CASP8: variants seen among roughly 807,000 people sequenced by gnomAD.
CASP8 encodes caspase 8, also known as caspase-8.
A neutral mutation model predicts 46.3 loss-of-function variants in CASP8; 24 were observed. The ratio of observed to expected loss-of-function variants is 0.52; its 90% confidence interval spans 0.38 to 0.73. CASP8 has a LOEUF of 0.73. CASP8 is among the 30% of genes least tolerant of loss of function. The pLI, the probability that CASP8 is intolerant of heterozygous loss-of-function variation, is 0.00. For missense variants in CASP8, 460 were observed against 559.0 expected, an observed-to-expected ratio of 0.82 and a Z score of 1.79; for synonymous variants, 188 against 200.4, an observed-to-expected ratio of 0.94 and a Z score of 0.52.
At chr2:201,247,325 G>A (rs1946574876) in intron 2 of CASP8, among the ~76,000 whole-genome samples, 1 of 151,728 alleles carries the variant, frequency 6.6e-6, no homozygotes, top group African/African-American at 2.4e-5. Context: ...TTAACTGCAT[G>A]TATGTGAATT....
intron 2 of CASP8, among the ~76,000 whole-genome samples, chr2:201,244,959 C>G (rs1336066136): frequency 6.6e-6 from 1 of 152,242 alleles, no homozygotes; most frequent in Non-Finnish European, 1.5e-5. Context: ...GACTGTTCCC[C>G]TGAGATGCAT....
chr2:201,279,827 C>T (rs1036240656), intron 7 of CASP8, among the ~76,000 whole-genome samples: 2 of 152,072 alleles, frequency 1.3e-5, no homozygotes, highest in Admixed American at 1.3e-4. Context: ...GTGGCAGGTG[C>T]CTGTAACCCC....
In CASP8 at chr2:201,286,577, G is replaced by C. The variant is rs768375470; in HGVS notation, c.1423G>C (p.Val475Leu). ...QPTFTLRKKLVFPSD is the reference protein window; with the variant it reads ...QPTFTLRKKLLFPSD ...TACTTTCACACTAAGAAAAAAACTT[G>C]TCTTCCCTTCTGATTGATGGTGCTA... Residue 475 changes from valine to leucine, a missense_variant, in exon 9 of 9, where the codon GTC becomes CTC. By Grantham distance (32) the Val-to-Leu change is conservative. Transcript: ENST00000673742. 3 of 1,613,940 alleles carry C rather than the reference G, an allele frequency of 1.9e-6. No individual in the cohort carries two copies. The South Asian group carries it at 3.3e-5, about 18-fold the overall frequency.
chr2:201,245,388 G>A (rs1456102926), intron 2 of CASP8, among the ~76,000 whole-genome samples: 2 of 151,874 alleles, frequency 1.3e-5, no homozygotes, highest in South Asian at 2.1e-4. Context: ...TTACAGACAC[G>A]CACCACCATG....
intron 1 of CASP8, among the ~76,000 whole-genome samples, chr2:201,265,557 T>G (rs1947750634): frequency 6.6e-6 from 1 of 152,200 alleles, no homozygotes; most frequent in South Asian, 2.1e-4. Flanking sequence ...TCTTCCAGTC[T>G]GTCCTTTGCA....
chr2:201,262,070 A>G (rs569748095), intron 1 of CASP8: 1 of 152,204 alleles, frequency 6.6e-6, no homozygotes, highest in African/African-American at 2.4e-5. Flanking sequence ...TTGTTCTCTA[A>G]AAAAGTTATG....
rs35461915 is a variant in CASP8 at position 201,272,090 on chromosome 2, C to G, written c.411+469C>G. Among the ~76,000 whole-genome samples the G allele has an allele frequency of 6.0e-5, 9 of 151,210 alleles. No individual in the cohort carries two copies. Among genetic ancestry groups the G allele is most frequent in the Non-Finnish European group, 8.9e-5 (6 of 67,734 alleles). ...GTCTCTGTATAAGTGGTGTGTGTGT[C>G]TGTGTATCTCTGTGTGTGTGTTCTC... On this transcript the variant is annotated intron_variant, in intron 3 of 8. Coordinates refer to ENST00000673742, the MANE Select transcript of CASP8 (RefSeq NM_001372051.1). The surrounding 1 kb of genome is among the most constrained non-coding windows in gnomAD (Gnocchi z 4.4).
At chr2:201,252,518 C>T (rs60525252) in intron 2 of CASP8, among the ~76,000 whole-genome samples, 14,298 of 152,212 alleles carry the variant, frequency 0.094, 897 homozygotes, top group South Asian at 0.29. Context: ...TCGTGATCCA[C>T]CAGTATGGTT....
upstream of CASP8, chr2:201,258,465 T>C (rs1484524191): frequency 5.4e-5 from 84 of 1,552,674 alleles, no homozygotes; most frequent in Non-Finnish European, 7.2e-5. Flanking sequence ...AACAGGGCTG[T>C]GGGGGTGGGG....
At chr2:201,277,001 A>T in intron 7 of CASP8, 33 bp downstream of exon 7, 1 of 1,478,660 alleles carries the variant, frequency 6.8e-7, no homozygotes, top group Non-Finnish European at 9.5e-7. Context: ...AAAGTAAAAT[A>T]TTTCTTATGC....
chr2:201,274,305 A>G (rs1456634965), intron 5 of CASP8, among the ~76,000 whole-genome samples: 1 of 152,134 alleles, frequency 6.6e-6, no homozygotes, highest in Admixed American at 6.5e-5. Flanking sequence ...CAAAAATTCA[A>G]CCTGGCCATG....
upstream of CASP8, among the ~76,000 whole-genome samples, chr2:201,257,440 C>T (rs1405965624): frequency 6.8e-6 from 1 of 146,876 alleles, no homozygotes; most frequent in Non-Finnish European, 1.5e-5. Flanking sequence ...CAAGATCGCA[C>T]CACTGTACTG....
In CASP8 at chr2:201,237,085, A is replaced by ATTTTTTTTT. The variant is rs34775964; in HGVS notation, c.-27+2988_-27+2996dup. ...CTTTTCCCCAGTATGACCCCTTTCT[A>ATTTTTTTTT]TTTTTTTTTTTTTTTTTTTTTTTGA... is the stretch of plus-strand genomic sequence containing the variant. On this transcript the variant is annotated intron_variant, in intron 2 of 6. Transcript: ENST00000264274. Among the ~76,000 whole-genome samples the ATTTTTTTTT allele has an allele frequency of 4.5e-4, 40 of 88,084 alleles. 2 individuals are homozygous for ATTTTTTTTT. The highest frequency in any genetic ancestry group is 1.7e-3 in the African/African-American group (36 of 21,568). 57.8% of individuals were successfully genotyped at this position (88,084 alleles called of 152,430 possible).
rs772761115 is a variant in CASP8 at position 201,287,687 on chromosome 2, G to C, written c.*1093G>C. On this transcript the variant is annotated 3_prime_UTR_variant, in exon 9 of 9. Coordinates refer to ENST00000673742, the MANE Select transcript of CASP8 (RefSeq NM_001372051.1). ...CTTTTTTCAAAAACATTTTTTAATA[G>C]AATAAAATATAATTTGATCTTATTG... is the stretch of plus-strand genomic sequence containing the variant. The C allele has an allele frequency of 6.6e-6, 1 of 152,190 alleles. No individual in the cohort carries two copies. Among genetic ancestry groups the C allele is most frequent in the African/African-American group, 2.4e-5 (1 of 41,310 alleles). The allele number at this position is 152,190 out of a possible 1,614,324, so 9.4% of individuals were successfully genotyped here.
chr2:201,242,649 C>G (rs1213275016), intron 2 of CASP8: 1 of 152,034 alleles, frequency 6.6e-6, no homozygotes, highest in East Asian at 1.9e-4. Context: ...GGTGTGATCT[C>G]TATTAACATC....
chr2:201,250,075 A>G (rs984324821), intron 2 of CASP8, among the ~76,000 whole-genome samples: 5 of 152,182 alleles, frequency 3.3e-5, no homozygotes, highest in African/African-American at 1.2e-4. Flanking sequence ...GTTGTGGAGG[A>G]TATGATAGAG....
intron 2 of CASP8, among the ~76,000 whole-genome samples, chr2:201,247,811 A>AT (rs1233522594): frequency 6.6e-6 from 1 of 151,796 alleles, no homozygotes; most frequent in Non-Finnish European, 1.5e-5. Context: ...CACCTGGCTA[A>AT]TTTTTTGTAT....
rs146374885 is a variant in CASP8 at position 201,285,459 on chromosome 2, AG to A, written c.1304+146del. The A allele has an allele frequency of 2.7e-3, 2,760 of 1,028,734 alleles. 58 individuals carry two copies. The East Asian group carries it at 0.047, about 18-fold the overall frequency. 63.7% of individuals were successfully genotyped at this position (1,028,734 alleles called of 1,614,324 possible). A position where few individuals can be genotyped will look rare whatever the true frequency, so the allele number is the denominator to read the frequency against. ...CATTAACAGGTCAGAGAACTGTCCA[AG>A]GGGAGTGGTTTCCGTTCAACTCTAA... On this transcript the variant is annotated intron_variant, in intron 8 of 8. Coordinates refer to ENST00000673742, the MANE Select transcript of CASP8 (RefSeq NM_001372051.1).
At chr2:201,239,628 T>C (rs1162931247) in intron 2 of CASP8, among the ~76,000 whole-genome samples, 1 of 152,226 alleles carries the variant, frequency 6.6e-6, no homozygotes, top group African/African-American at 2.4e-5. Flanking sequence ...CTTGGATTGA[T>C]TGTGCTTTGG....
Sources: allele counts gnomAD v4.1 joint callset (sites outside exome capture counted in the v4.1 genomes callset), GRCh38; gene constraint gnomAD v4.1.1; non-coding constraint Gnocchi (gnomAD v3.1); transcripts MANE v1.5; gene names NCBI Gene and HGNC (gene_info 2026-07-23, HGNC 2026-07-21).